N4BP2: variants seen among roughly 807,000 people sequenced by gnomAD.
The protein encoded by N4BP2 is NEDD4 binding protein 2, also known as NEDD4-binding protein 2.
N4BP2 carries 91 observed loss-of-function variants against 152.8 expected under a neutral mutation model. That is an observed-to-expected ratio of 0.60 (90% CI 0.50 to 0.71). The LOEUF (loss-of-function observed/expected upper bound fraction) is 0.71, where lower values mean the gene tolerates loss of function less well. Among genes scored for constraint, N4BP2 ranks in the 30% least tolerant of loss-of-function variants. The probability of loss-of-function intolerance (pLI) is 0.00; values close to 1 mark genes in which losing one functional copy is unlikely to be tolerated. For synonymous variants in N4BP2, 646 were observed against 705.3 expected (o/e 0.92, Z 1.33); for missense variants, 1,923 against 2,059.1 (o/e 0.93, Z 1.28).
chr4:40,117,309 G>A lies in N4BP2; in HGVS notation c.1665-560G>A, dbSNP rs114894646. Reference sequence around the variant, plus strand: ...TGATCTGAAACCAGACAAGATCGAGGTAGGTAAATATGAAAGCCAGATTTG... The same window carrying A: ...TGATCTGAAACCAGACAAGATCGAGATAGGTAAATATGAAAGCCAGATTTG... On this transcript the variant is annotated intron_variant, in intron 7 of 17. Transcript: ENST00000261435. Among the ~76,000 whole-genome samples, 1,005 of 152,230 alleles carry A rather than the reference G, an allele frequency of 6.6e-3. 8 individuals carry two copies. Among genetic ancestry groups the A allele is most frequent in the South Asian group, 0.023 (110 of 4,832 alleles).
At chr4:40,176,779 A>G in the N4BP2 span, among the ~76,000 whole-genome samples, 1 of 152,214 alleles carries the variant, frequency 6.6e-6, no homozygotes, top group Non-Finnish European at 1.5e-5. Context: ...CTGCCCACTG[A>G]GGTGGAGCCT....
At position 40,144,618 on chromosome 4, in the gene N4BP2, T is replaced by A; in HGVS notation, c.4975-14T>A. 6.3e-7 allele frequency: 1 copy of A among 1,586,452 alleles called. No individual in the cohort carries two copies. Among genetic ancestry groups the A allele is most frequent in the African/African-American group, 1.4e-5 (1 of 74,056 alleles). ...ACAGCAAAACTGTCCCTTGGTGATA[T>A]GTTTATGATTTAGGGTACTCTTCAT... On this transcript the variant is annotated splice_polypyrimidine_tract_variant and intron_variant, in intron 15 of 17. Coordinates refer to ENST00000261435, the MANE Select transcript of N4BP2 (RefSeq NM_018177.6).
Position 40,122,157 on chromosome 4 carries a change from C to T in N4BP2, c.4046C>T (p.Ser1349Leu). The change falls in exon 9 of 18, where the codon TCA becomes TTA. Residue 1349 changes from serine (S) to leucine (L), a missense_variant. By Grantham distance (145) the Ser-to-Leu change is moderately radical. Transcript: ENST00000261435. Reference sequence around the variant, plus strand: ...ATTCTAATGGCAGGAAGTAGTTTATCAGCTGGAGTTAGTGGGGAAGATAAA... The same window carrying T: ...ATTCTAATGGCAGGAAGTAGTTTATTAGCTGGAGTTAGTGGGGAAGATAAA... Reference protein sequence around the residue: ...KEILMAGSSLSAGVSGEDKTE... With the variant: ...KEILMAGSSLLAGVSGEDKTE... The T allele has an allele frequency of 6.2e-7, 1 of 1,612,540 alleles. No homozygotes were observed. Among genetic ancestry groups the T allele is most frequent in the African/African-American group, 1.3e-5 (1 of 74,968 alleles).
intron 4 of N4BP2, among the ~76,000 whole-genome samples, chr4:40,105,630 G>A (rs185239525): frequency 6.6e-6 from 1 of 150,526 alleles, no homozygotes; most frequent in Admixed American, 6.6e-5. Context: ...GCTCAGTGTT[G>A]CCTTGAATTC....
rs1579089027 is a variant in N4BP2 at position 40,126,154 on chromosome 4, A to G, written c.4351A>G (p.Thr1451Ala). ...TGTAGATCCTTCCTTGGTTGGACAT[A>G]CTGGGCTTGATAATCCTGAACAAAA... ...FMQDPSLVGH[T>A]GLDNPEQKSS... The change falls in exon 12 of 18, where the codon ACT becomes GCT. Residue 1451 changes from threonine to alanine, a missense_variant. Coordinates refer to ENST00000261435, the MANE Select transcript of N4BP2 (RefSeq NM_018177.6). The G allele has an allele frequency of 1.9e-6, 3 of 1,596,192 alleles. No homozygotes were observed. Among genetic ancestry groups the G allele is most frequent in the Non-Finnish European group, 2.6e-6 (3 of 1,174,026 alleles).
rs376745415 is a variant in N4BP2, at chr4:40,154,189, C to G, written c.5268-3C>G. ...TAAAATAACTCTTTTCTCATTTCTGCAGGTTCTCTGAAATTAAACCAGGGT... is the reference window on the plus strand; with the variant it reads ...TAAAATAACTCTTTTCTCATTTCTGGAGGTTCTCTGAAATTAAACCAGGGT... On this transcript the variant is annotated splice_region_variant and splice_polypyrimidine_tract_variant and intron_variant, in intron 17 of 17. Transcript: ENST00000261435. The G allele has an allele frequency of 6.3e-7, 1 of 1,595,828 alleles. No individual in the cohort carries two copies. Among genetic ancestry groups the G allele is most frequent in the African/African-American group, 1.3e-5 (1 of 74,472 alleles).
intron 14 of N4BP2, among the ~76,000 whole-genome samples, chr4:40,141,879 A>G (rs1720017641): frequency 6.6e-6 from 1 of 152,320 alleles, no homozygotes; most frequent in East Asian, 1.9e-4. Context: ...CGCGGTTAGG[A>G]GCTGGAGACC....
chr4:40,168,885 C>A, the N4BP2 span, among the ~76,000 whole-genome samples: 1 of 151,686 alleles, frequency 6.6e-6, no homozygotes, highest in Non-Finnish European at 1.5e-5. Context: ...CCACCACACC[C>A]GGCTAATTTT....
chr4:40,148,322 G>A (rs1714386), intron 16 of N4BP2, among the ~76,000 whole-genome samples: 14,524 of 152,240 alleles, frequency 0.095, 699 homozygotes, highest in Middle Eastern at 0.12. Flanking sequence ...ATGGCGGCGC[G>A]CGCCTGCAAT....
At chr4:40,138,593 T>A (rs896710978) in intron 14 of N4BP2, among the ~76,000 whole-genome samples, 2 of 152,268 alleles carry the variant, frequency 1.3e-5, no homozygotes, top group Non-Finnish European at 2.9e-5. Context: ...TGTAGTGAGA[T>A]AGAAGTTCAA....
At chr4:40,189,148 C>CACAAAACAAAACAAAACAAA in the N4BP2 span, among the ~76,000 whole-genome samples, 597 of 149,208 alleles carry the variant, frequency 4.0e-3, 4 homozygotes, top group African/African-American at 0.012. This position sits in a 1 kb window ranked among gnomAD's most constrained non-coding sequence, Gnocchi z 4.3. Context: ...CTGTCTCAAA[C>CACAAAACAAAACAAAACAAA]ACAAAACAAA....
intron 10 of N4BP2, among the ~76,000 whole-genome samples, chr4:40,123,593 C>T (rs184825201): frequency 6.6e-6 from 1 of 152,228 alleles, no homozygotes; most frequent in East Asian, 1.9e-4. Flanking sequence ...ACATGATCCT[C>T]CTGCCTTAGC....
intron 5 of N4BP2, among the ~76,000 whole-genome samples, chr4:40,111,741 G>A (rs1324036510): frequency 6.6e-6 from 1 of 151,992 alleles, no homozygotes; most frequent in African/African-American, 2.4e-5. Flanking sequence ...TCAGCCTCCT[G>A]AGTAGCTGGG....
chr4:40,072,729 CTTT>C (rs748731332), intron 1 of N4BP2, among the ~76,000 whole-genome samples: 1 of 139,734 alleles, frequency 7.2e-6, no homozygotes, highest in African/African-American at 2.6e-5. Context: ...TTTTGTGGGA[CTTT>C]TTTTTTTTTT....
intron 13 of N4BP2, among the ~76,000 whole-genome samples, chr4:40,132,948 A>G (rs1426344582): frequency 6.9e-6 from 1 of 144,506 alleles, no homozygotes; most frequent in Non-Finnish European, 1.5e-5. Context: ...TTCCTGGGCT[A>G]TTTTTGTCAG....
At chr4:40,059,869 A>T (rs1209286145) in intron 1 of N4BP2, among the ~76,000 whole-genome samples, 2 of 152,186 alleles carry the variant, frequency 1.3e-5, no homozygotes, top group African/African-American at 4.8e-5. Flanking sequence ...CTTACAGGGG[A>T]GGAGACAGAG....
intron 1 of N4BP2, among the ~76,000 whole-genome samples, chr4:40,062,644 G>A (rs796931608): frequency 6.6e-6 from 1 of 151,154 alleles, no homozygotes; most frequent in South Asian, 2.1e-4. Flanking sequence ...TTGACACTTG[G>A]CTGTCAGTGT....
At chr4:40,177,643 A>G in the N4BP2 span, among the ~76,000 whole-genome samples, 1 of 152,056 alleles carries the variant, frequency 6.6e-6, no homozygotes, top group Admixed American at 6.6e-5. Flanking sequence ...AGAAGAAAAA[A>G]AATAAAGACT....
chr4:40,115,641 G>T (rs571236709), intron 7 of N4BP2, among the ~76,000 whole-genome samples: 233 of 152,220 alleles, frequency 1.5e-3, no homozygotes, highest in African/African-American at 5.4e-3. Context: ...GTCGTACTGT[G>T]TTTTTAAATT....
Sources: allele counts gnomAD v4.1 joint callset (sites outside exome capture counted in the v4.1 genomes callset), GRCh38; gene constraint gnomAD v4.1.1; non-coding constraint Gnocchi (gnomAD v3.1); transcripts MANE v1.5; gene names NCBI Gene and HGNC (gene_info 2026-07-23, HGNC 2026-07-21).